Variants in PCSK5 observed in about 807,000 individuals in gnomAD.
PCSK5 encodes prohormone convertase 5.
A neutral mutation model predicts 233.2 loss-of-function variants in PCSK5; 129 were observed. The observed-to-expected ratio is 0.55, with a 90% confidence interval of 0.48 to 0.64. PCSK5 has a LOEUF of 0.64. Among genes scored for constraint, PCSK5 ranks in the 30% least tolerant of loss-of-function variants. The pLI, the probability that PCSK5 is intolerant of heterozygous loss-of-function variation, is 0.00. For synonymous variants in PCSK5, 825 were observed against 879.2 expected (o/e 0.94, Z 1.09); for missense variants, 2,076 against 2,430.1 (o/e 0.85, Z 3.06).
intron 9 of PCSK5, among the ~76,000 whole-genome samples, chr9:76,108,686 G>C (rs1832081503): frequency 6.6e-6 from 1 of 152,198 alleles, no homozygotes; most frequent in Non-Finnish European, 1.5e-5. Flanking sequence ...CCAGTAGGCG[G>C]AGGTTGCAGT....
At chr9:76,172,040 C>T (rs535275549) in intron 13 of PCSK5, among the ~76,000 whole-genome samples, 1 of 151,946 alleles carries the variant, frequency 6.6e-6, no homozygotes, top group Non-Finnish European at 1.5e-5. Context: ...CATCAGTAAG[C>T]GAATAGAAAT....
chr9:76,072,938 T>C (rs768801610), intron 7 of PCSK5, among the ~76,000 whole-genome samples: 3 of 152,220 alleles, frequency 2.0e-5, no homozygotes, highest in Admixed American at 6.5e-5. Context: ...AGAGTTCTTA[T>C]CATATTGTGC....
chr9:76,168,439 C>T (rs753718595), intron 12 of PCSK5, among the ~76,000 whole-genome samples: 1 of 152,206 alleles, frequency 6.6e-6, no homozygotes. Context: ...TGAACCGCTG[C>T]ACCCACTTAT....
intron 12 of PCSK5, among the ~76,000 whole-genome samples, chr9:76,161,689 T>C (rs376429828): frequency 6.6e-6 from 1 of 152,208 alleles, no homozygotes; most frequent in African/African-American, 2.4e-5. Flanking sequence ...ATGACGTCAG[T>C]GAGGAAACTT....
chr9:76,204,478 C>T (rs1825034442), intron 20 of PCSK5, among the ~76,000 whole-genome samples: 1 of 151,688 alleles, frequency 6.6e-6, no homozygotes, highest in Non-Finnish European at 1.5e-5. Context: ...TCTTCTCTCT[C>T]TCTTTCTCTC....
intron 3 of PCSK5, among the ~76,000 whole-genome samples, chr9:76,008,107 A>G (rs1827562354): frequency 6.6e-6 from 1 of 151,878 alleles, no homozygotes; most frequent in Non-Finnish European, 1.5e-5. Context: ...TTCTCTGTGT[A>G]AGATTATTCT....
rs1362102841 is a variant in PCSK5, at chr9:76,361,033, A to G, written c.*2111A>G. 2 of 152,202 alleles carry G rather than the reference A, an allele frequency of 1.3e-5. No homozygotes were observed. Among genetic ancestry groups the G allele is most frequent in the African/African-American group, 4.8e-5 (2 of 41,444 alleles). The allele number at this position is 152,202 out of a possible 1,614,324, so 9.4% of individuals were successfully genotyped here. ...CATGTACATGTATGATATGCCTCCAAAAATTTTGATCATTTAAAATTATCT... is the reference window on the plus strand; with the variant it reads ...CATGTACATGTATGATATGCCTCCAGAAATTTTGATCATTTAAAATTATCT... On this transcript the variant is annotated 3_prime_UTR_variant, in exon 38 of 38. Coordinates refer to ENST00000674117, the MANE Select transcript of PCSK5 (RefSeq NM_001372043.1).
At chr9:76,346,510 G>A (rs1829986216) in intron 35 of PCSK5, among the ~76,000 whole-genome samples, 1 of 152,014 alleles carries the variant, frequency 6.6e-6, no homozygotes, top group Non-Finnish European at 1.5e-5. Context: ...CCGTGAACTT[G>A]CCCAGTTGAA....
intron 2 of PCSK5, among the ~76,000 whole-genome samples, chr9:75,946,988 C>T (rs1025503131): frequency 6.6e-6 from 1 of 152,160 alleles, no homozygotes; most frequent in African/African-American, 2.4e-5. Context: ...CTTGGTTAGT[C>T]TTGAGACAGA....
chr9:76,069,704 T>C (rs772124110), intron 6 of PCSK5, among the ~76,000 whole-genome samples: 4 of 152,188 alleles, frequency 2.6e-5, no homozygotes, highest in Admixed American at 6.5e-5. Flanking sequence ...GAAACTGAAT[T>C]CAAGTGTTAT....
intron 8 of PCSK5, among the ~76,000 whole-genome samples, chr9:76,097,092 C>T (rs954132802): frequency 2.7e-5 from 4 of 150,578 alleles, no homozygotes; most frequent in African/African-American, 7.3e-5. Flanking sequence ...CCACCATGCC[C>T]GGCTAATTTT....
intron 26 of PCSK5, among the ~76,000 whole-genome samples, chr9:76,296,141 C>T (rs552858920): frequency 8.5e-4 from 129 of 152,234 alleles, no homozygotes; most frequent in Middle Eastern, 3.4e-3. Context: ...AGTGCAGTGG[C>T]GCAATCTCAG....
intron 21 of PCSK5, among the ~76,000 whole-genome samples, chr9:76,229,600 A>C (rs1439901807): frequency 6.6e-6 from 1 of 152,230 alleles, no homozygotes; most frequent in Admixed American, 6.5e-5. Flanking sequence ...TCAGAGAAAA[A>C]AATCTTTTTA....
At chr9:76,109,219 A>G (rs1198322378) in intron 9 of PCSK5, among the ~76,000 whole-genome samples, 1 of 152,134 alleles carries the variant, frequency 6.6e-6, no homozygotes, top group African/African-American at 2.4e-5. Flanking sequence ...AGGATTTTTG[A>G]AAAATATATT....
chr9:76,130,815 T>A (rs1025019586), intron 9 of PCSK5, among the ~76,000 whole-genome samples: 1 of 152,082 alleles, frequency 6.6e-6, no homozygotes, highest in Non-Finnish European at 1.5e-5. Flanking sequence ...AGGAAGAAAT[T>A]TGAGGGGTGT....
At chr9:75,965,594 G>T (rs1165698335) in intron 2 of PCSK5, among the ~76,000 whole-genome samples, 1 of 152,170 alleles carries the variant, frequency 6.6e-6, no homozygotes, top group African/African-American at 2.4e-5. Flanking sequence ...CCACATTGGG[G>T]ATGGCAATTC....
At position 76,346,245 on chromosome 9, in the gene PCSK5, T is replaced by C. The variant is rs1306558205; in HGVS notation, c.4967-4583T>C. 2.0e-5 allele frequency among the ~76,000 whole-genome samples: 3 copies of C among 152,222 alleles called. No individual in the cohort carries two copies. The East Asian group carries it at 5.8e-4, about 29-fold the overall frequency. On this transcript the variant is annotated intron_variant, in intron 35 of 37. Coordinates refer to ENST00000674117, the MANE Select transcript of PCSK5 (RefSeq NM_001372043.1). Reference sequence around the variant, plus strand: ...TTCTCTATTCTTTTCCATTGGTCTATGTGTCTGTCTTTGTACCAGTACCAT... The same window carrying C: ...TTCTCTATTCTTTTCCATTGGTCTACGTGTCTGTCTTTGTACCAGTACCAT...
intron 2 of PCSK5, among the ~76,000 whole-genome samples, chr9:75,974,351 C>A (rs946520059): frequency 1.3e-5 from 2 of 152,204 alleles, no homozygotes; most frequent in African/African-American, 4.8e-5. Flanking sequence ...TACCACCTCA[C>A]TGGAAGCCCC....
At chr9:76,052,382 C>T (rs1041565013) in intron 5 of PCSK5, among the ~76,000 whole-genome samples, 26 of 152,192 alleles carry the variant, frequency 1.7e-4, no homozygotes, top group Admixed American at 6.5e-5. Context: ...TCCACATGGC[C>T]GGGAAGACCT....
Sources: allele counts gnomAD v4.1 joint callset (sites outside exome capture counted in the v4.1 genomes callset), GRCh38; gene constraint gnomAD v4.1.1; transcripts MANE v1.5; gene names NCBI Gene and HGNC (gene_info 2026-07-23, HGNC 2026-07-21).